The following IPO11 variants were observed in gnomAD, a reference collection of about 807,000 sequenced individuals.
IPO11 encodes the protein importin 11, also known as importin-11.
Under a neutral mutation model 143.2 loss-of-function variants are expected in IPO11, and 66 were observed. That is an observed-to-expected ratio of 0.46 (90% CI 0.38 to 0.57). The LOEUF is 0.57. Ranked by LOEUF, IPO11 falls within the 20% of genes least tolerant of loss-of-function variation. The pLI, the probability that IPO11 is intolerant of heterozygous loss-of-function variation, is 0.00. For missense variants in IPO11, 1,026 were observed against 1,141.0 expected (o/e 0.90, Z 1.45); for synonymous variants, 385 against 377.8 (o/e 1.02, Z -0.22).
chr5:62,438,367 A>G (rs1384450641), intron 2 of IPO11, among the ~76,000 whole-genome samples: 3 of 152,152 alleles, frequency 2.0e-5, no homozygotes, highest in African/African-American at 7.2e-5. Flanking sequence ...AAAAAGATTG[A>G]TTTTAAAAGA....
At chr5:62,435,190 G>GTT (rs1561309153) in intron 1 of IPO11, among the ~76,000 whole-genome samples, 1 of 101,758 alleles carries the variant, frequency 9.8e-6, no homozygotes, top group African/African-American at 3.7e-5. Flanking sequence ...GTATATATAT[G>GTT]TATATATATG....
chr5:62,474,696 T>C (rs944863957), intron 8 of IPO11, among the ~76,000 whole-genome samples: 2 of 152,204 alleles, frequency 1.3e-5, no homozygotes, highest in African/African-American at 4.8e-5. Flanking sequence ...GTATCAACTT[T>C]CTGAAGTTAG....
chr5:62,449,375 CTAGT>C (rs1485988486), intron 3 of IPO11, among the ~76,000 whole-genome samples: 1 of 152,144 alleles, frequency 6.6e-6, no homozygotes, highest in African/African-American at 2.4e-5. Context: ...AAGATTTAAG[CTAGT>C]TGATTTCTGA....
chr5:62,489,719 G>A (rs1440411481), intron 14 of IPO11, among the ~76,000 whole-genome samples: 2 of 151,648 alleles, frequency 1.3e-5, no homozygotes, highest in Non-Finnish European at 2.9e-5. Flanking sequence ...AGAGGAGGAA[G>A]CACAGTTAGA....
In IPO11 at chr5:62,484,021, G is replaced by T; in HGVS notation, c.1033G>T (p.Glu345Ter). ...PSKNFEDSSP[E>*]TLEAHKIKMA... ...TTTCATTTTTCTAGATAGCAGCCCT[G>T]AAACTCTTGAAGCCCATAAGATTAA... The change falls in exon 11 of 30, where the codon GAA (glutamate) becomes TAA (stop). Residue 345 changes from glutamate to a stop codon, truncating the protein, a stop_gained. Transcript: ENST00000325324. LOFTEE classifies it high-confidence loss of function. The T allele has an allele frequency of 6.2e-7, 1 of 1,602,972 alleles. No individual in the cohort carries two copies. The highest frequency in any genetic ancestry group is 1.1e-5 in the South Asian group (1 of 88,112).
chr5:62,580,417 T>C, intron 27 of IPO11: 1 of 1,551,380 alleles, frequency 6.4e-7, no homozygotes, highest in Non-Finnish European at 8.7e-7. Context: ...GGGAGCATCT[T>C]TGAAGATCCT....
chr5:62,415,392 C>T (rs1271004229), intron 1 of IPO11, among the ~76,000 whole-genome samples: 3 of 151,826 alleles, frequency 2.0e-5, no homozygotes, highest in African/African-American at 7.3e-5. Context: ...GAACTCCTGA[C>T]CTCCCTGAAC....
chr5:62,622,094 C>A (rs1746399437), intron 29 of IPO11, among the ~76,000 whole-genome samples: 1 of 151,500 alleles, frequency 6.6e-6, no homozygotes, highest in Admixed American at 6.6e-5. Context: ...TGTCTATATT[C>A]TTTTATTTTA....
At chr5:62,536,247 G>A (rs1742729065) in intron 22 of IPO11, among the ~76,000 whole-genome samples, 1 of 152,100 alleles carries the variant, frequency 6.6e-6, no homozygotes, top group African/African-American at 2.4e-5. Context: ...GTTTCATGTA[G>A]TATGCCATGC....
chr5:62,424,873 T>A (rs547499685), intron 1 of IPO11, among the ~76,000 whole-genome samples: 4 of 152,308 alleles, frequency 2.6e-5, no homozygotes, highest in African/African-American at 9.6e-5. Context: ...AGACATTGCC[T>A]TTATTATTAT....
intron 28 of IPO11, among the ~76,000 whole-genome samples, chr5:62,598,549 CTTTCTTTTTTTT>C: frequency 8.2e-5 from 1 of 12,206 alleles, no homozygotes; most frequent in African/African-American, 1.0e-3. Context: ...TCTTTCTTTT[CTTTCTTTTTTTT>C]TTTTATGGAG....
intron 5 of IPO11, among the ~76,000 whole-genome samples, chr5:62,459,179 G>A (rs189050283): frequency 1.2e-3 from 178 of 152,146 alleles, no homozygotes; most frequent in Admixed American, 4.8e-3. Context: ...CTGAAGAGAG[G>A]CGTAAGGCTG....
At chr5:62,490,255 C>T (rs778139911) in intron 15 of IPO11, 35 bp downstream of exon 15, 22 of 1,331,882 alleles carry the variant, frequency 1.7e-5, no homozygotes, top group African/African-American at 3.0e-5. Flanking sequence ...TATACACTTA[C>T]TTTACCTTAT....
At chr5:62,504,352 T>C (rs1055608885) in intron 16 of IPO11, among the ~76,000 whole-genome samples, 1 of 152,200 alleles carries the variant, frequency 6.6e-6, no homozygotes, top group Admixed American at 6.5e-5. Context: ...CCTGCTTCCT[T>C]CTTCCTCAAT....
intron 29 of IPO11, among the ~76,000 whole-genome samples, chr5:62,607,349 A>C (rs916506988): frequency 1.3e-5 from 2 of 152,140 alleles, no homozygotes; most frequent in African/African-American, 4.8e-5. Context: ...TCAACAGGGC[A>C]CCCTGTGGTA....
chr5:62,462,587 A>G (rs1221171460), intron 5 of IPO11, among the ~76,000 whole-genome samples: 1 of 152,070 alleles, frequency 6.6e-6, no homozygotes, highest in East Asian at 1.9e-4. Flanking sequence ...CTAGAGTTCA[A>G]TGGTACACTC....
Position 62,467,022 on chromosome 5 carries a change from C to T in IPO11, c.517-109C>T, listed in dbSNP as rs563065205. The T allele has an allele frequency of 2.5e-4, 253 of 998,280 alleles. 2 individuals are homozygous for T. The South Asian group carries it at 4.3e-3, about 17-fold the overall frequency. 61.8% of individuals were successfully genotyped at this position (998,280 alleles called of 1,614,324 possible). A position where few individuals can be genotyped will look rare whatever the true frequency, so the allele number is the denominator to read the frequency against. On this transcript the variant is annotated intron_variant, in intron 5 of 29. Transcript: ENST00000325324. ...TATTCTTTGACTATTTCAGATCTCT[C>T]AGAAAATGTGTGCTTAGTTGTAAAA...
chr5:62,575,453 C>T (rs1744282734), intron 27 of IPO11, among the ~76,000 whole-genome samples: 1 of 152,154 alleles, frequency 6.6e-6, no homozygotes. Context: ...CTCTTTTACT[C>T]TGTCATGTCA....
rs1746625439 is a variant in IPO11 at position 62,627,431 on chromosome 5, A to G, written c.*113A>G. 2.1e-6 allele frequency: 2 copies of G among 972,116 alleles called. No individual in the cohort carries two copies. Among genetic ancestry groups the G allele is most frequent in the East Asian group, 2.5e-5 (1 of 40,250 alleles). 60.2% of individuals were successfully genotyped at this position (972,116 alleles called of 1,614,324 possible). A position where few individuals can be genotyped will look rare whatever the true frequency, so the allele number is the denominator to read the frequency against. Reference sequence around the variant, plus strand: ...AGAAATCACTTCATGAAAATAAGCAAAGACCACACATTTTTTACTACAAAA... The same window carrying G: ...AGAAATCACTTCATGAAAATAAGCAGAGACCACACATTTTTTACTACAAAA... On this transcript the variant is annotated 3_prime_UTR_variant, in exon 30 of 30. Coordinates refer to ENST00000325324, the MANE Select transcript of IPO11 (RefSeq NM_016338.5).
Sources: allele counts gnomAD v4.1 joint callset (sites outside exome capture counted in the v4.1 genomes callset), GRCh38; gene constraint gnomAD v4.1.1; transcripts MANE v1.5; gene names NCBI Gene and HGNC (gene_info 2026-07-23, HGNC 2026-07-21).